URGCP: variants seen among roughly 807,000 people sequenced by gnomAD.
The protein encoded by URGCP is up-regulator of cell proliferation.
URGCP carries 13 observed loss-of-function variants against 24.6 expected under a neutral mutation model. That is an observed-to-expected ratio of 0.53 (90% CI 0.34 to 0.84). The LOEUF (loss-of-function observed/expected upper bound fraction) is 0.84. Among genes scored for constraint, URGCP ranks in the 40% least tolerant of loss-of-function variants. The pLI, the probability that URGCP is intolerant of heterozygous loss-of-function variation, is 0.01. For synonymous variants in URGCP, 444 were observed against 487.2 expected (o/e 0.91, Z 1.17); for missense variants, 899 against 1,194.3 (o/e 0.75, Z 3.64).
At chr7:43,912,819 GT>G (rs965970411) in intron 1 of URGCP, among the ~76,000 whole-genome samples, 4 of 151,304 alleles carry the variant, frequency 2.6e-5, no homozygotes, top group Non-Finnish European at 5.9e-5. Context: ...CTCAGCTTTT[GT>G]TTTTCTGTGA....
chr7:43,900,914 T>C (rs1188385066), intron 1 of URGCP, among the ~76,000 whole-genome samples: 1 of 152,244 alleles, frequency 6.6e-6, no homozygotes. Context: ...TTCTGGAAGA[T>C]ACTGCATGTG....
chr7:43,919,780 C>G, intron 1 of URGCP: 1 of 1,341,432 alleles, frequency 7.5e-7, no homozygotes, highest in Non-Finnish European at 1.1e-6. Context: ...GTGGCCCTGT[C>G]GAGGAAGTCT....
intron 1 of URGCP, among the ~76,000 whole-genome samples, chr7:43,916,280 A>G (rs1364591492): frequency 1.3e-5 from 2 of 152,108 alleles, no homozygotes; most frequent in Non-Finnish European, 2.9e-5. Flanking sequence ...GGGCTTCTCT[A>G]CGCTACAGGC....
At chr7:43,882,074 G>A in intron 3 of URGCP, 117 bp from the exon 4 acceptor site, 8 of 1,522,008 alleles carry the variant, frequency 5.3e-6, no homozygotes, top group East Asian at 4.6e-5. Flanking sequence ...TGAACAAGAG[G>A]AGTGCTTGAG....
chr7:43,880,674 A>G (rs2095852462), intron 5 of URGCP, among the ~76,000 whole-genome samples: 1 of 152,180 alleles, frequency 6.6e-6, no homozygotes, highest in South Asian at 2.1e-4. Context: ...CTCTGGCTCA[A>G]ATGATCTGCC....
chr7:43,877,963 G>C lies in URGCP; in HGVS notation c.1500C>G (p.Pro500=). The change falls in exon 6 of 6, where the codon CCC becomes CCG. Residue 500 remains proline (P), a synonymous_variant. Coordinates refer to ENST00000453200, the MANE Select transcript of URGCP (RefSeq NM_001077663.3). ...TCTCCACTTGGGCTGCCTTTCTCCA[G>C]GGGTCCCCCTGCAGCCTCAGCTCGT... ...RRDELRLQGD[P]WRKAAQVEKE... 1 of 1,614,168 alleles carries C rather than the reference G, an allele frequency of 6.2e-7. No individual in the cohort carries two copies. The highest frequency in any genetic ancestry group is 8.5e-7 in the Non-Finnish European group (1 of 1,180,040).
intron 1 of URGCP, among the ~76,000 whole-genome samples, chr7:43,903,663 C>T (rs545975939): frequency 6.6e-6 from 1 of 152,202 alleles, no homozygotes; most frequent in Admixed American, 6.5e-5. Context: ...ATAAGAGCCC[C>T]TTTGAAAATC....
chr7:43,925,647 A>G (rs1331544014), intron 1 of URGCP, among the ~76,000 whole-genome samples: 1 of 151,954 alleles, frequency 6.6e-6, no homozygotes, highest in Non-Finnish European at 1.5e-5. Context: ...TTACAGGCAT[A>G]CGTCACTACG....
At chr7:43,901,690 G>A (rs2095891023) in intron 1 of URGCP, among the ~76,000 whole-genome samples, 1 of 152,200 alleles carries the variant, frequency 6.6e-6, no homozygotes, top group Non-Finnish European at 1.5e-5. Context: ...GTGGCCAGAG[G>A]ACCCATCTTT....
intron 1 of URGCP, chr7:43,918,685 G>A (rs1041879179): frequency 6.1e-6 from 4 of 658,432 alleles, no homozygotes; most frequent in African/African-American, 5.4e-5. Flanking sequence ...CAACTCTGGT[G>A]CCTGAGGAGC....
intron 1 of URGCP, among the ~76,000 whole-genome samples, chr7:43,911,638 A>G (rs2095910301): frequency 6.6e-6 from 1 of 152,204 alleles, no homozygotes; most frequent in African/African-American, 2.4e-5. Flanking sequence ...TGGAGGTTGT[A>G]GTTAGCCAAG....
At chr7:43,890,213 CTT>C (rs543947365) in intron 1 of URGCP, among the ~76,000 whole-genome samples, 26 of 108,718 alleles carry the variant, frequency 2.4e-4, no homozygotes, top group Admixed American at 3.0e-4. Context: ...CCACTGGAAA[CTT>C]TTTTTTTTTT....
chr7:43,906,110 T>G (rs1426022616), intron 1 of URGCP: 1 of 151,964 alleles, frequency 6.6e-6, no homozygotes, highest in Non-Finnish European at 1.5e-5. Context: ...AAGCGTCCAC[T>G]CCCAACGCGA....
chr7:43,877,065 G>A lies in URGCP; in HGVS notation c.2398C>T (p.Leu800=), dbSNP rs1562569829. The A allele has an allele frequency of 1.1e-5, 18 of 1,614,128 alleles. No individual in the cohort carries two copies. Among genetic ancestry groups the A allele is most frequent in the Non-Finnish European group, 1.4e-5 (16 of 1,180,046 alleles). Residue 800 remains leucine, a synonymous_variant, in exon 6 of 6, where the codon CTG becomes TTG. Transcript: ENST00000453200. ...TTTTCTAACCTCAGAAATGCATGCAGAATAGCTGCTGGAATGTCCTTGGTT... is the reference window on the plus strand; with the variant it reads ...TTTTCTAACCTCAGAAATGCATGCAAAATAGCTGCTGGAATGTCCTTGGTT... The part of the protein sequence containing the change: ...AETKDIPAAI[L]HAFLRLEKTG...
intron 3 of URGCP, among the ~76,000 whole-genome samples, chr7:43,884,964 G>C (rs2095859978): frequency 6.6e-6 from 1 of 152,134 alleles, no homozygotes; most frequent in Non-Finnish European, 1.5e-5. Context: ...GATGAGAGGT[G>C]AAGTAACTGG....
At chr7:43,908,897 G>A (rs978869347), upstream of URGCP, among the ~76,000 whole-genome samples, 1 of 152,144 alleles carries the variant, frequency 6.6e-6, no homozygotes, top group African/African-American at 2.4e-5. Context: ...AATCTTCAGA[G>A]GGCAAGGAGA....
Position 43,877,168 on chromosome 7 carries a change from C to A in URGCP, c.2295G>T (p.Gly765=). The change falls in exon 6 of 6, where the codon GGG becomes GGT. Residue 765 remains glycine (G), a synonymous_variant. Transcript: ENST00000453200. ...AGGAAGCCTCCAGCTCAAATCTGTC[C>A]CCAGCTGACGTCAAGGCCCCACCTA... ...GLIGGALTSA[G]DRFELEASLA... 1 of 1,614,190 alleles carries A rather than the reference C, an allele frequency of 6.2e-7. No individual in the cohort carries two copies. The highest frequency in any genetic ancestry group is 8.5e-7 in the Non-Finnish European group (1 of 1,180,032).
chr7:43,878,683 C>A lies in URGCP; in HGVS notation c.780G>T (p.Ala260=). 4 of 1,613,658 alleles carry A rather than the reference C, an allele frequency of 2.5e-6. No homozygotes were observed. Among genetic ancestry groups the A allele is most frequent in the Non-Finnish European group, 3.4e-6 (4 of 1,180,040 alleles). ...FREDSVVLSR[A]PAFAFVRMDV... ...CCATGCGCACGAAGGCGAAGGCGGG[C>A]GCCCTGGACAAGACCACGCTGTCTT... is the stretch of plus-strand genomic sequence containing the variant. The change falls in exon 6 of 6, where the codon GCG becomes GCT. Residue 260 remains alanine, a synonymous_variant. Transcript: ENST00000453200. This position sits in a 1 kb window ranked among gnomAD's most constrained non-coding sequence, Gnocchi z 5.6.
intron 1 of URGCP, among the ~76,000 whole-genome samples, chr7:43,917,540 T>C (rs1585839564): frequency 6.6e-6 from 1 of 152,186 alleles, no homozygotes; most frequent in Non-Finnish European, 1.5e-5. Context: ...GCAGCCCGGG[T>C]TCAATCCTGG....
Sources: allele counts gnomAD v4.1 joint callset (sites outside exome capture counted in the v4.1 genomes callset), GRCh38; gene constraint gnomAD v4.1.1; non-coding constraint Gnocchi (gnomAD v3.1); transcripts MANE v1.5; gene names NCBI Gene and HGNC (gene_info 2026-07-23, HGNC 2026-07-21).